Variants in LINGO2 observed in about 807,000 individuals in gnomAD.
The protein encoded by LINGO2 is leucine-rich repeat and immunoglobulin-like domain-containing nogo receptor-interacting protein 2.
Under a neutral mutation model 30.6 loss-of-function variants are expected in LINGO2, and 14 were observed. That is an observed-to-expected ratio of 0.46 (90% confidence interval 0.30 to 0.72). The LOEUF (loss-of-function observed/expected upper bound fraction) is 0.72, where lower values mean the gene tolerates loss of function less well. Ranked by LOEUF, LINGO2 falls within the 30% of genes least tolerant of loss-of-function variation. The probability of loss-of-function intolerance (pLI) is 0.07; values close to 1 mark genes in which losing one functional copy is unlikely to be tolerated. For missense variants in LINGO2, 729 were observed against 751.7 expected (o/e 0.97, Z 0.35); for synonymous variants, 317 against 288.5 (o/e 1.10, Z -1.00).
the LINGO2 span, among the ~76,000 whole-genome samples, chr9:29,035,121 T>C: frequency 2.6e-5 from 4 of 151,992 alleles, no homozygotes; most frequent in African/African-American, 9.7e-5. Context: ...ACATAAGACA[T>C]AAAGAAAAAT....
chr9:28,880,335 T>C, the LINGO2 span, among the ~76,000 whole-genome samples: 1 of 152,200 alleles, frequency 6.6e-6, no homozygotes, highest in Admixed American at 6.6e-5. Context: ...ATTTGTAGCT[T>C]TGCCCCAGCC....
intron 3 of LINGO2, among the ~76,000 whole-genome samples, chr9:28,354,134 CTAAAACT>C (rs1211928929): frequency 1.3e-4 from 19 of 151,500 alleles, no homozygotes; most frequent in Non-Finnish European, 2.6e-4. Context: ...CACATGTACC[CTAAAACT>C]TAAAGTTAAT....
At chr9:28,174,080 GT>G (rs772805552) in intron 4 of LINGO2, among the ~76,000 whole-genome samples, 3 of 152,136 alleles carry the variant, frequency 2.0e-5, no homozygotes, top group Admixed American at 6.5e-5. Context: ...GATGCACTAA[GT>G]TTTTTGCAGA....
intron 5 of LINGO2, among the ~76,000 whole-genome samples, chr9:28,011,945 C>T (rs1822576460): frequency 6.6e-6 from 1 of 150,724 alleles, no homozygotes; most frequent in African/African-American, 2.5e-5. Flanking sequence ...CCCCAAGCCT[C>T]TGAAGGACAG....
the LINGO2 span, among the ~76,000 whole-genome samples, chr9:29,125,783 C>G: frequency 6.6e-6 from 1 of 152,032 alleles, no homozygotes; most frequent in Admixed American, 6.6e-5. Flanking sequence ...ACATGTAATG[C>G]GTACATGCTC....
the LINGO2 span, among the ~76,000 whole-genome samples, chr9:28,690,267 A>T: frequency 2.0e-5 from 3 of 152,018 alleles, no homozygotes; most frequent in African/African-American, 7.2e-5. Flanking sequence ...AACAAACAAA[A>T]AAAGACATAG....
At chr9:28,587,428 C>T (rs976878202) in intron 1 of LINGO2, among the ~76,000 whole-genome samples, 3 of 151,986 alleles carry the variant, frequency 2.0e-5, no homozygotes, top group African/African-American at 4.8e-5. Flanking sequence ...TTGTTTCTTG[C>T]TCAATGGTCC....
chr9:28,844,132 C>G, the LINGO2 span, among the ~76,000 whole-genome samples: 1 of 151,734 alleles, frequency 6.6e-6, no homozygotes, highest in Non-Finnish European at 1.5e-5. Flanking sequence ...GAGGCTGAGG[C>G]GGGTGGATCA....
the LINGO2 span, among the ~76,000 whole-genome samples, chr9:29,162,835 CT>C: frequency 6.6e-6 from 1 of 152,076 alleles, no homozygotes; most frequent in Non-Finnish European, 1.5e-5. Flanking sequence ...TATTTTTCTA[CT>C]TGAAACTAGC....
the LINGO2 span, among the ~76,000 whole-genome samples, chr9:28,885,354 T>TACACACAC: frequency 0.016 from 768 of 47,058 alleles, 5 homozygotes; most frequent in Middle Eastern, 0.12. Flanking sequence ...GGGAGATATA[T>TACACACAC]ATATATACAC....
At chr9:27,990,236 T>C (rs1011003760) in intron 5 of LINGO2, among the ~76,000 whole-genome samples, 5 of 152,018 alleles carry the variant, frequency 3.3e-5, no homozygotes, top group Admixed American at 1.3e-4. Context: ...TTCAACATAA[T>C]AGAATGAGCA....
chr9:27,996,845 T>G (rs2119092070), intron 5 of LINGO2, among the ~76,000 whole-genome samples: 1 of 152,330 alleles, frequency 6.6e-6, no homozygotes, highest in Admixed American at 6.5e-5. Flanking sequence ...TGTATGCTTG[T>G]AGCAAAATAT....
At chr9:29,078,700 G>A in the LINGO2 span, among the ~76,000 whole-genome samples, 66,029 of 151,640 alleles carry the variant, frequency 0.44, 14,633 homozygotes, top group East Asian at 0.54. Context: ...TATAATTTAT[G>A]TTCTATTAAG....
chr9:28,444,716 CT>C (rs1252919177), intron 2 of LINGO2, among the ~76,000 whole-genome samples: 1 of 152,206 alleles, frequency 6.6e-6, no homozygotes, highest in Non-Finnish European at 1.5e-5. Context: ...CAACTGGAGC[CT>C]TGCATGGAGC....
At chr9:28,131,688 A>G (rs1192035393) in intron 4 of LINGO2, among the ~76,000 whole-genome samples, 1 of 152,122 alleles carries the variant, frequency 6.6e-6, no homozygotes, top group Non-Finnish European at 1.5e-5. Flanking sequence ...TTCCAGGTAG[A>G]AGCCCTTAAT....
chr9:29,148,181 G>T, the LINGO2 span, among the ~76,000 whole-genome samples: 2 of 151,786 alleles, frequency 1.3e-5, no homozygotes, highest in African/African-American at 2.4e-5. Context: ...TTTAAATTTC[G>T]TATTACTTTA....
chr9:28,734,258 AG>A, the LINGO2 span, among the ~76,000 whole-genome samples: 1 of 152,226 alleles, frequency 6.6e-6, no homozygotes, highest in African/African-American at 2.4e-5. Flanking sequence ...ACGAGTGATT[AG>A]TGAGCAGTAT....
chr9:28,300,454 T>C (rs778385426), intron 3 of LINGO2, among the ~76,000 whole-genome samples: 1 of 152,172 alleles, frequency 6.6e-6, no homozygotes, highest in Admixed American at 6.5e-5. Context: ...TGCCTAATTC[T>C]GAATTTGATT....
chr9:28,716,687 G>T, the LINGO2 span, among the ~76,000 whole-genome samples: 1 of 152,082 alleles, frequency 6.6e-6, no homozygotes, highest in African/African-American at 2.4e-5. Flanking sequence ...CATTTTTCTG[G>T]TAGATAAGAC....
Sources: gnomAD v4.1 joint callset for allele counts (sites outside exome capture counted in the v4.1 genomes callset) on GRCh38, gnomAD v4.1.1 for gene constraint, MANE v1.5 for transcripts, NCBI Gene and HGNC (gene_info 2026-07-23, HGNC 2026-07-21) for gene names.